Variants in IGFL2 observed in about 807,000 individuals in gnomAD.
IGFL2 encodes IGF like family member 2.
A neutral mutation model predicts 13.9 loss-of-function variants in IGFL2; 7 were observed. The ratio of observed to expected loss-of-function variants is 0.51; its 90% CI spans 0.29 to 0.95. The LOEUF (loss-of-function observed/expected upper bound fraction) is 0.95, where lower values mean the gene tolerates loss of function less well. Among genes scored for constraint, IGFL2 ranks in the 40% least tolerant of loss-of-function variants. The pLI, the probability that IGFL2 is intolerant of heterozygous loss-of-function variation, is 0.08. For missense variants in IGFL2, 138 were observed against 147.8 expected, an observed-to-expected ratio of 0.93 and a Z score of 0.34; for synonymous variants, 55 against 55.8, an observed-to-expected ratio of 0.99 and a Z score of 0.07.
the IGFL2 span, among the ~76,000 whole-genome samples, chr19:46,170,480 G>T: frequency 6.6e-6 from 1 of 152,154 alleles, no homozygotes; most frequent in Non-Finnish European, 1.5e-5. Context: ...TGTTTGAACA[G>T]TTTGAAATCT....
chr19:46,201,466 A>G, the IGFL2 span, among the ~76,000 whole-genome samples: 1 of 152,212 alleles, frequency 6.6e-6, no homozygotes, highest in Non-Finnish European at 1.5e-5. Flanking sequence ...TTCTCCTAGA[A>G]GACATCGCTG....
chr19:46,092,668 A>T, the IGFL2 span, among the ~76,000 whole-genome samples: 1 of 151,188 alleles, frequency 6.6e-6, no homozygotes, highest in East Asian at 2.0e-4. Flanking sequence ...TTTTGTAGAG[A>T]TGGGATCTCA....
upstream of IGFL2, among the ~76,000 whole-genome samples, chr19:46,145,763 G>T (rs150636662): frequency 6.6e-6 from 1 of 151,868 alleles, no homozygotes; most frequent in Non-Finnish European, 1.5e-5. Flanking sequence ...CTTTTCATGT[G>T]CTTATTTGCT....
At chr19:46,178,084 C>G in the IGFL2 span, among the ~76,000 whole-genome samples, 2 of 152,076 alleles carry the variant, frequency 1.3e-5, no homozygotes, top group African/African-American at 4.8e-5. Context: ...CGAGACCAGC[C>G]TGACCAACAT....
the IGFL2 span, among the ~76,000 whole-genome samples, chr19:46,117,234 C>T: frequency 6.6e-6 from 1 of 152,036 alleles, no homozygotes. Context: ...AGATTTCTCT[C>T]TTTTTAAATT....
intron 1 of IGFL2, among the ~76,000 whole-genome samples, chr19:46,158,821 C>T (rs913866094): frequency 4.6e-5 from 7 of 152,148 alleles, no homozygotes; most frequent in Middle Eastern, 3.4e-3. Context: ...GTTACTGATG[C>T]GGTCAGGATG....
At chr19:46,083,203 A>G in the IGFL2 span, among the ~76,000 whole-genome samples, 1 of 152,346 alleles carries the variant, frequency 6.6e-6, no homozygotes, top group Non-Finnish European at 1.5e-5. Flanking sequence ...TACTGACTGG[A>G]TGCAGTGCAC....
At chr19:46,141,395 C>A (rs890474763), upstream of IGFL2, among the ~76,000 whole-genome samples, 4 of 152,154 alleles carry the variant, frequency 2.6e-5, no homozygotes, top group Non-Finnish European at 5.9e-5. Context: ...ACGCCAGGAT[C>A]ACAGAGTGGG....
the IGFL2 span, chr19:46,113,427 G>T: frequency 5.0e-6 from 2 of 396,718 alleles, no homozygotes; most frequent in South Asian, 1.9e-5. Flanking sequence ...CATTTTGACT[G>T]AACAAATGGA....
chr19:46,111,091 C>T, the IGFL2 span: 6 of 152,232 alleles, frequency 3.9e-5, no homozygotes, highest in African/African-American at 9.7e-5. Flanking sequence ...ATGTAAGTAC[C>T]GTCTTTTGCA....
the IGFL2 span, chr19:46,120,021 T>C: frequency 2.4e-6 from 1 of 408,826 alleles, no homozygotes. Context: ...CTCTGTATCC[T>C]GAGCTCCTGC....
At chr19:46,195,682 G>A in the IGFL2 span, 1 of 152,156 alleles carries the variant, frequency 6.6e-6, no homozygotes, top group African/African-American at 2.4e-5. Context: ...CCCTACCTGG[G>A]AGACACTAGA....
the IGFL2 span, among the ~76,000 whole-genome samples, chr19:46,131,366 C>A: frequency 6.6e-6 from 1 of 152,170 alleles, no homozygotes; most frequent in Non-Finnish European, 1.5e-5. Context: ...AAGCTTTACT[C>A]GACAATATTT....
chr19:46,115,755 A>G, the IGFL2 span, among the ~76,000 whole-genome samples: 1 of 152,154 alleles, frequency 6.6e-6, no homozygotes, highest in African/African-American at 2.4e-5. Context: ...AGTTCAGATT[A>G]TTTTCAAGCT....
chr19:46,172,331 C>T, the IGFL2 span, among the ~76,000 whole-genome samples: 2 of 152,116 alleles, frequency 1.3e-5, no homozygotes, highest in African/African-American at 4.8e-5. Flanking sequence ...TCCCACGTCC[C>T]ATTGTAAAAC....
At chr19:46,165,515 T>C (rs1391244292), downstream of IGFL2, among the ~76,000 whole-genome samples, 1 of 151,926 alleles carries the variant, frequency 6.6e-6, no homozygotes, top group Non-Finnish European at 1.5e-5. Flanking sequence ...GAGGAGCACA[T>C]TAACTAGCAC....
intron 1 of IGFL2, among the ~76,000 whole-genome samples, chr19:46,156,117 A>G (rs1450904580): frequency 1.3e-5 from 2 of 152,188 alleles, no homozygotes; most frequent in East Asian, 3.8e-4. Flanking sequence ...GTGCCCAACC[A>G]TCACTTTCTG....
the IGFL2 span, chr19:46,124,260 G>A: frequency 2.1e-5 from 34 of 1,610,100 alleles, no homozygotes; most frequent in Non-Finnish European, 1.6e-5. Flanking sequence ...TCCCTGTCCT[G>A]TCCTTACCTG....
chr19:46,169,850 A>C, the IGFL2 span, among the ~76,000 whole-genome samples: 4 of 6,480 alleles, frequency 6.2e-4, no homozygotes, highest in South Asian at 0.015. Flanking sequence ...TCTGTCTCAA[A>C]AAAAAAAAAA....
Sources: allele counts gnomAD v4.1 joint callset (sites outside exome capture counted in the v4.1 genomes callset), GRCh38; gene constraint gnomAD v4.1.1; transcripts MANE v1.5; gene names NCBI Gene and HGNC (gene_info 2026-07-23, HGNC 2026-07-21).